UBE2H: variants seen among roughly 807,000 people sequenced by gnomAD.
UBE2H encodes ubiquitin-conjugating enzyme E2 H.
A neutral mutation model predicts 29.0 loss-of-function variants in UBE2H; 3 were observed. The observed-to-expected ratio is 0.10, with a 90% CI of 0.05 to 0.27. The LOEUF is 0.27. Among genes scored for constraint, UBE2H ranks in the 10% least tolerant of loss-of-function variants. The pLI is 1.00. For synonymous variants in UBE2H, 69 were observed against 82.9 expected (o/e 0.83, Z 0.91); for missense variants, 68 against 228.2 (o/e 0.30, Z 4.52).
In UBE2H at chr7:129,882,245, G is replaced by A. The variant is rs560598628; in HGVS notation, c.54-1274C>T. ...CGGTAAAATCCAAAAATGATTCTCA[G>A]TAGGAATTTTAGGTGACAGAGGCTT... On this transcript the variant is annotated intron_variant, in intron 1 of 6. Transcript: ENST00000355621. 3.2e-4 allele frequency among the ~76,000 whole-genome samples: 49 copies of A among 152,300 alleles called. 1 individual carries two copies. In the South Asian group the frequency reaches 0.01, roughly 32 times the overall value.
At chr7:129,883,604 A>C (rs1036708967) in intron 1 of UBE2H, among the ~76,000 whole-genome samples, 1 of 152,184 alleles carries the variant, frequency 6.6e-6, no homozygotes, top group African/African-American at 2.4e-5. Context: ...CACTGTGGGG[A>C]GCCAGGGCAG....
intron 1 of UBE2H, among the ~76,000 whole-genome samples, chr7:129,893,985 T>C (rs1806551094): frequency 6.6e-6 from 1 of 152,058 alleles, no homozygotes; most frequent in African/African-American, 2.4e-5. Context: ...CAAAACCCTG[T>C]CTCTACTAAA....
chr7:129,884,415 T>TAA (rs1563033622), intron 1 of UBE2H, among the ~76,000 whole-genome samples: 3 of 126,062 alleles, frequency 2.4e-5, no homozygotes, highest in South Asian at 2.8e-4. Context: ...AGACTCCATC[T>TAA]CAAAAAAAAA....
intron 5 of UBE2H, among the ~76,000 whole-genome samples, chr7:129,843,148 G>A (rs1412076854): frequency 2.0e-5 from 3 of 151,528 alleles, no homozygotes; most frequent in African/African-American, 7.3e-5. Flanking sequence ...ACAGGCACAC[G>A]CCGCCACATC....
At chr7:129,864,250 G>C (rs77880590) in intron 3 of UBE2H, among the ~76,000 whole-genome samples, 27 of 152,300 alleles carry the variant, frequency 1.8e-4, no homozygotes, top group South Asian at 8.3e-4. Context: ...GGACAAGGAG[G>C]GGGGAGACAG....
At chr7:129,899,102 C>A (rs1806658064) in intron 1 of UBE2H, among the ~76,000 whole-genome samples, 1 of 152,096 alleles carries the variant, frequency 6.6e-6, no homozygotes, top group Non-Finnish European at 1.5e-5. Flanking sequence ...ATTTACCTAT[C>A]CGTAATTTCA....
intron 1 of UBE2H, among the ~76,000 whole-genome samples, chr7:129,936,409 A>G (rs1471230471): frequency 3.9e-5 from 6 of 151,952 alleles, no homozygotes. Flanking sequence ...CCTGGCTAAC[A>G]TGGTGAAACT....
intron 1 of UBE2H, among the ~76,000 whole-genome samples, chr7:129,908,041 C>G (rs1806855508): frequency 6.6e-6 from 1 of 152,158 alleles, no homozygotes. Flanking sequence ...TATCCCCCTC[C>G]CCAGGGTGGT....
intron 1 of UBE2H, among the ~76,000 whole-genome samples, chr7:129,919,434 G>C (rs1807111722): frequency 6.6e-6 from 1 of 151,704 alleles, no homozygotes; most frequent in Non-Finnish European, 1.5e-5. Context: ...CTCCATATCT[G>C]CAGGCTCTCC....
At chr7:129,944,002 G>C (rs373427865) in intron 1 of UBE2H, among the ~76,000 whole-genome samples, 1 of 152,124 alleles carries the variant, frequency 6.6e-6, no homozygotes, top group Admixed American at 6.6e-5. Flanking sequence ...ATAAAATAAG[G>C]TTAATAATAA....
At chr7:129,949,012 G>A (rs1300855832) in intron 1 of UBE2H, 6 of 456,704 alleles carry the variant, frequency 1.3e-5, no homozygotes, top group East Asian at 6.9e-5. Flanking sequence ...TAGTAACAGG[G>A]CGGCCAATGA....
chr7:129,880,205 C>CA (rs927047632), intron 2 of UBE2H, among the ~76,000 whole-genome samples: 40 of 151,786 alleles, frequency 2.6e-4, no homozygotes, highest in Admixed American at 7.2e-4. Context: ...AAAAATAACA[C>CA]AAAAAAAATA....
intron 5 of UBE2H, among the ~76,000 whole-genome samples, chr7:129,847,057 T>G (rs1805525667): frequency 6.6e-6 from 1 of 151,710 alleles, no homozygotes. Flanking sequence ...TCTCGCTCTA[T>G]CTCCCCAGGC....
chr7:129,925,575 G>A (rs1807250011), intron 1 of UBE2H, among the ~76,000 whole-genome samples: 2 of 152,114 alleles, frequency 1.3e-5, no homozygotes, highest in South Asian at 2.1e-4. Context: ...TCAAAACCCC[G>A]ATTGTATTCA....
intron 1 of UBE2H, among the ~76,000 whole-genome samples, chr7:129,882,081 G>C (rs1178775969): frequency 6.6e-6 from 1 of 152,232 alleles, no homozygotes; most frequent in Non-Finnish European, 1.5e-5. Flanking sequence ...TAACATGGCT[G>C]TGCTCCCTTC....
At chr7:129,875,789 T>G (rs1355924424) in intron 3 of UBE2H, among the ~76,000 whole-genome samples, 1 of 152,218 alleles carries the variant, frequency 6.6e-6, no homozygotes, top group East Asian at 1.9e-4. Context: ...AAGCTTTCAC[T>G]TAACAGCTGA....
chr7:129,893,909 G>A (rs768060252), intron 1 of UBE2H, among the ~76,000 whole-genome samples: 2 of 152,114 alleles, frequency 1.3e-5, no homozygotes, highest in African/African-American at 4.8e-5. Context: ...CTGTACTCCC[G>A]GCACTTTGGG....
intron 1 of UBE2H, among the ~76,000 whole-genome samples, chr7:129,909,956 AG>A (rs963304952): frequency 3.9e-5 from 6 of 152,158 alleles, no homozygotes; most frequent in African/African-American, 1.4e-4. Context: ...AGACACGAAA[AG>A]GGTTGAAAAC....
intron 1 of UBE2H, among the ~76,000 whole-genome samples, chr7:129,923,582 A>G (rs1376220046): frequency 4.6e-5 from 7 of 152,210 alleles, no homozygotes; most frequent in Non-Finnish European, 2.9e-5. Flanking sequence ...TAAAGAATCT[A>G]TAACACCTTG....
Sources: gnomAD v4.1 joint callset for allele counts (sites outside exome capture counted in the v4.1 genomes callset) on GRCh38, gnomAD v4.1.1 for gene constraint, MANE v1.5 for transcripts, NCBI Gene and HGNC (gene_info 2026-07-23, HGNC 2026-07-21) for gene names.